Variants in IL20RA observed in about 807,000 individuals in gnomAD.
IL20RA encodes the protein interleukin-20 receptor subunit alpha.
IL20RA carries 29 observed loss-of-function variants against 36.5 expected under a neutral mutation model. The ratio of observed to expected loss-of-function variants is 0.79; its 90% CI spans 0.59 to 1.08. The LOEUF is 1.08. Ranked by LOEUF, IL20RA falls within the 50% of genes least tolerant of loss-of-function variation. The pLI is 0.00. For missense variants in IL20RA, 652 were observed against 668.4 expected (o/e 0.98, Z 0.27); for synonymous variants, 279 against 267.1 (o/e 1.04, Z -0.43).
At position 137,038,205 on chromosome 6, in the gene IL20RA, C is replaced by CTTTTTTTTTTTTTTTTTTTTT. The variant is rs780099085; in HGVS notation, c.88+6415_88+6435dup. On this transcript the variant is annotated intron_variant, in intron 1 of 6. Transcript: ENST00000316649. ...TTCTTTCTATAGTTCTTTTGTTCTC[C>CTTTTTTTTTTTTTTTTTTTTT]TTTTTTTTTTTTTTTTTTTTTTTTT... 7.0e-5 allele frequency: 5 copies of CTTTTTTTTTTTTTTTTTTTTT among 71,420 alleles called. 1 individual carries two copies. The highest frequency in any genetic ancestry group is 1.3e-4 in the African/African-American group (2 of 15,522). 4.4% of individuals were successfully genotyped at this position (71,420 alleles called of 1,614,324 possible).
At chr6:137,011,196 G>A (rs1351647929) in intron 3 of IL20RA, 78 bp downstream of exon 3, 3 of 1,212,932 alleles carry the variant, frequency 2.5e-6, no homozygotes, top group African/African-American at 1.5e-5. Flanking sequence ...TCTGGGCAAG[G>A]CTGTCTGTGA....
intron 1 of IL20RA, among the ~76,000 whole-genome samples, chr6:137,024,048 C>T (rs1449061076): frequency 1.3e-5 from 2 of 152,044 alleles, no homozygotes; most frequent in Non-Finnish European, 2.9e-5. Context: ...GAGCCAAGAT[C>T]GCACCACTGC....
intron 1 of IL20RA, among the ~76,000 whole-genome samples, chr6:137,034,869 C>A (rs943312636): frequency 6.6e-6 from 1 of 151,242 alleles, no homozygotes; most frequent in Non-Finnish European, 1.5e-5. Flanking sequence ...GGTGAGAACC[C>A]GGAAGGCGGA....
At position 137,000,299 on chromosome 6, in the gene IL20RA, A is replaced by G. The variant is rs185050659; in HGVS notation, c.*1259T>C. 10 of 152,332 alleles carry G rather than the reference A, an allele frequency of 6.6e-5. No individual in the cohort carries two copies. The East Asian group carries it at 1.4e-3, about 21-fold the overall frequency. 9.4% of individuals were successfully genotyped at this position (152,332 alleles called of 1,614,324 possible). A position where few individuals can be genotyped will look rare whatever the true frequency, so the allele number is the denominator to read the frequency against. Reference sequence around the variant, plus strand: ...TCTCATGAAAGAGCATCAATGGATTATGAGTTCATGACTAAAACAAATATA... The same window carrying G: ...TCTCATGAAAGAGCATCAATGGATTGTGAGTTCATGACTAAAACAAATATA... On this transcript the variant is annotated 3_prime_UTR_variant, in exon 7 of 7. Coordinates refer to ENST00000316649, the MANE Select transcript of IL20RA (RefSeq NM_014432.4).
chr6:137,023,482 C>T (rs114525241), intron 1 of IL20RA, among the ~76,000 whole-genome samples: 2,083 of 152,234 alleles, frequency 0.014, 51 homozygotes, highest in African/African-American at 0.046. Context: ...AAAATATGAA[C>T]CTATTTATAT....
chr6:137,010,607 A>G (rs1775457164), intron 3 of IL20RA, among the ~76,000 whole-genome samples: 1 of 152,138 alleles, frequency 6.6e-6, no homozygotes, highest in South Asian at 2.1e-4. Context: ...GTCCTTCATG[A>G]CTGAGTCAGC....
At chr6:137,017,180 A>C in intron 1 of IL20RA, 77 bp from the exon 2 acceptor site, 1 of 1,201,718 alleles carries the variant, frequency 8.3e-7, no homozygotes, top group Non-Finnish European at 1.2e-6. Flanking sequence ...GCTAGTCTCC[A>C]GAGATGGCCC....
chr6:137,010,706 C>G (rs1254480572), intron 3 of IL20RA, among the ~76,000 whole-genome samples: 2 of 152,190 alleles, frequency 1.3e-5, no homozygotes, highest in Non-Finnish European at 2.9e-5. Context: ...TACATCATCA[C>G]ACTACCAAGT....
Position 137,002,024 on chromosome 6 carries a change from AT to A in IL20RA, c.1195del (p.Ile399LeufsTer59). 6.2e-7 allele frequency: 1 copy of A among 1,614,126 alleles called. No homozygotes were observed. The highest frequency in any genetic ancestry group is 8.5e-7 in the Non-Finnish European group (1 of 1,180,018). The part of the protein sequence containing the change: ...SRTIPPDKTV[I>X]EYEYDVRTTD... ...GGTTCTGACATCATATTCATATTCA[AT>A]GACTGTTTTATCCGGGGGTATTGTT... On this transcript the variant is annotated frameshift_variant, in exon 7 of 7. Transcript: ENST00000316649. LOFTEE classifies it low-confidence loss of function (END_TRUNC).
At chr6:137,027,037 C>T (rs565284510) in intron 1 of IL20RA, among the ~76,000 whole-genome samples, 1 of 152,202 alleles carries the variant, frequency 6.6e-6, no homozygotes, top group South Asian at 2.1e-4. Flanking sequence ...CGCCCGCCAC[C>T]ACGCCCAGCT....
Position 137,044,717 on chromosome 6 carries a change from G to A in IL20RA, c.12C>T (p.Pro4=). 1 of 1,219,524 alleles carries A rather than the reference G, an allele frequency of 8.2e-7. No individual in the cohort carries two copies. The highest frequency in any genetic ancestry group is 1.0e-6 in the Non-Finnish European group (1 of 980,478). The allele number at this position is 1,219,524 out of a possible 1,614,324, so 75.5% of individuals were successfully genotyped here. A position where few individuals can be genotyped will look rare whatever the true frequency, so the allele number is the denominator to read the frequency against. MRA[P]GRPALRPLPL... is the part of the protein sequence containing the mutation. ...GCAGCGGCCGCAGGGCCGGGCGGCC[G>A]GGAGCCCGCATGGGCGGCGGGGCTG... Residue 4 remains proline (P), a synonymous_variant, in exon 1 of 7, where the codon CCC becomes CCT. Coordinates refer to ENST00000316649, the MANE Select transcript of IL20RA (RefSeq NM_014432.4).
At chr6:137,019,113 C>T (rs946536242) in intron 1 of IL20RA, among the ~76,000 whole-genome samples, 2 of 145,102 alleles carry the variant, frequency 1.4e-5, no homozygotes, top group East Asian at 4.2e-4. Flanking sequence ...TCTTCTACAA[C>T]ACTGTATTCT....
In IL20RA at chr6:137,002,231, A is replaced by T. The variant is rs1394077177; in HGVS notation, c.989T>A (p.Leu330Gln). 1.9e-6 allele frequency: 3 copies of T among 1,614,164 alleles called. No individual in the cohort carries two copies. In the South Asian group the frequency reaches 3.3e-5, roughly 18 times the overall value. Residue 330 changes from leucine to glutamine, a missense_variant, in exon 7 of 7, where the codon CTG becomes CAG. Physicochemically the swap from Leu to Gln is moderately radical, Grantham distance 113 (BLOSUM62 -2). Transcript: ENST00000316649. ...SKISHQDMSL[L>Q]GKSSDVSSLN... ...GCTGGATACATCACTGCTTTTTCCC[A>T]GTAAACTCATATCCTGATGAGAAAT...
At chr6:137,005,860 C>T (rs1334301442) in intron 5 of IL20RA, among the ~76,000 whole-genome samples, 1 of 152,176 alleles carries the variant, frequency 6.6e-6, no homozygotes, top group African/African-American at 2.4e-5. Flanking sequence ...TTCCGTGGGT[C>T]TCCAGCCTGC....
At position 137,044,651 on chromosome 6, in the gene IL20RA, C is replaced by A; in HGVS notation, c.78G>T (p.Trp26Cys). The stretch of plus-strand genomic sequence containing the variant: ...GCGCGACCCACCTACCTGCCCGTCC[C>A]CAAGGCGCCGCCAGGAGCAACAGCA... ...PLLLLLLAAP[W>C]GRAVPCVSGG... Residue 26 changes from tryptophan to cysteine, a missense_variant, in exon 1 of 7, where the codon TGG (tryptophan) becomes TGT (cysteine). Physicochemically the swap from Trp to Cys is radical, Grantham distance 215 (BLOSUM62 -2). Transcript: ENST00000316649. 8.2e-7 allele frequency: 1 copy of A among 1,223,942 alleles called. No homozygotes were observed. Among genetic ancestry groups the A allele is most frequent in the South Asian group, 4.1e-5 (1 of 24,380 alleles). The allele number at this position is 1,223,942 out of a possible 1,614,324, so 75.8% of individuals were successfully genotyped here.
chr6:137,042,146 A>C (rs1776719936), intron 1 of IL20RA, among the ~76,000 whole-genome samples: 2 of 152,200 alleles, frequency 1.3e-5, no homozygotes, highest in Non-Finnish European at 2.9e-5. Context: ...AGGGGCTGCC[A>C]GTATGAATCT....
intron 1 of IL20RA, among the ~76,000 whole-genome samples, chr6:137,017,819 A>T (rs1210515845): frequency 6.6e-6 from 1 of 152,204 alleles, no homozygotes; most frequent in Non-Finnish European, 1.5e-5. Flanking sequence ...ACTGTATCCT[A>T]GAGGATTAAT....
At chr6:137,021,646 C>CTGT (rs1775911178) in intron 1 of IL20RA, among the ~76,000 whole-genome samples, 1 of 152,012 alleles carries the variant, frequency 6.6e-6, no homozygotes, top group African/African-American at 2.4e-5. Flanking sequence ...CCAGCCTGGG[C>CTGT]AACAGAGCGA....
chr6:137,001,743 A>G lies in IL20RA; in HGVS notation c.1477T>C (p.Ser493Pro), dbSNP rs375002361. ...DPQTGRLCIP[S>P]LSSFDQDSEG... ...GAATCCTGGTCGAAGCTGGACAGCG[A>G]AGGAATACACAGCCTGCCAGTTTGG... is the stretch of plus-strand genomic sequence containing the variant. Residue 493 changes from serine (S) to proline (P), a missense_variant, in exon 7 of 7, where the codon TCG becomes CCG. By Grantham distance (74) the Ser-to-Pro change is moderately conservative. Transcript: ENST00000316649. 5.0e-6 allele frequency: 8 copies of G among 1,613,438 alleles called. No individual in the cohort carries two copies. The African/African-American group carries it at 9.3e-5, about 19-fold the overall frequency.
Sources: gnomAD v4.1 joint callset for allele counts (sites outside exome capture counted in the v4.1 genomes callset) on GRCh38, gnomAD v4.1.1 for gene constraint, MANE v1.5 for transcripts, NCBI Gene and HGNC (gene_info 2026-07-23, HGNC 2026-07-21) for gene names.